The following DLGAP2 variants were observed in gnomAD, a reference collection of about 807,000 sequenced individuals.
The protein encoded by DLGAP2 is DLG associated protein 2.
In DLGAP2, 26 loss-of-function variants were observed where a neutral mutation model predicts 100.3. That is an observed-to-expected ratio of 0.26 (90% CI 0.19 to 0.36). DLGAP2 has a LOEUF of 0.36. DLGAP2 is among the 10% of genes least tolerant of loss of function. The probability of loss-of-function intolerance (pLI) is 1.00; values close to 1 mark genes in which losing one functional copy is unlikely to be tolerated. For missense variants in DLGAP2, 1,858 were observed against 1,453.2 expected (o/e 1.28, Z -4.53); for synonymous variants, 886 against 630.1 (o/e 1.41, Z -6.08).
chr8:794,282 C>T (rs1396193704), intron 1 of DLGAP2, among the ~76,000 whole-genome samples: 4 of 151,834 alleles, frequency 2.6e-5, no homozygotes, highest in South Asian at 2.1e-4. Flanking sequence ...GAGACCAGCT[C>T]GGTCGGGGAG....
intron 3 of DLGAP2, among the ~76,000 whole-genome samples, chr8:1,380,685 C>G (rs1244769490): frequency 6.6e-6 from 1 of 152,148 alleles, no homozygotes. Context: ...TGGGGACTCT[C>G]TGTAGCACTG....
intron 3 of DLGAP2, among the ~76,000 whole-genome samples, chr8:1,470,624 T>G (rs377759767): frequency 1.3e-5 from 2 of 152,132 alleles, no homozygotes; most frequent in Non-Finnish European, 2.9e-5. Flanking sequence ...ATAAATAGTT[T>G]AACAGAACAA....
chr8:1,517,393 G>A (rs1009888277), intron 4 of DLGAP2, among the ~76,000 whole-genome samples: 14 of 152,182 alleles, frequency 9.2e-5, no homozygotes, highest in African/African-American at 3.1e-4. Context: ...GTGGTGAGGG[G>A]CACCCCTGGG....
chr8:1,284,201 T>C (rs1406238517), intron 3 of DLGAP2, among the ~76,000 whole-genome samples: 1 of 152,236 alleles, frequency 6.6e-6, no homozygotes, highest in African/African-American at 2.4e-5. Context: ...GCTCTGTGGT[T>C]GCCAGTGGTC....
At chr8:1,067,748 A>T (rs138078945) in intron 2 of DLGAP2, among the ~76,000 whole-genome samples, 56 of 151,118 alleles carry the variant, frequency 3.7e-4, no homozygotes, top group African/African-American at 1.3e-3. Context: ...CTCCCTCGTG[A>T]CCCAGTCCCC....
intron 1 of DLGAP2, among the ~76,000 whole-genome samples, chr8:757,889 C>A (rs1249677232): frequency 2.6e-5 from 4 of 152,118 alleles, no homozygotes; most frequent in African/African-American, 4.8e-5. Flanking sequence ...TTCCCAAATG[C>A]GTCTTGTCTC....
chr8:1,522,512 C>T (rs916945800), intron 4 of DLGAP2, among the ~76,000 whole-genome samples: 6 of 152,166 alleles, frequency 3.9e-5, no homozygotes, highest in Non-Finnish European at 5.9e-5. Context: ...TCACCATGCC[C>T]GGGAAGCTGG....
At position 1,438,806 on chromosome 8, in the gene DLGAP2, A is replaced by G. The variant is rs573357757; in HGVS notation, c.107-62560A>G. Among the ~76,000 whole-genome samples, 86 of 152,330 alleles carry G rather than the reference A, an allele frequency of 5.6e-4. 1 individual carries two copies. Among genetic ancestry groups the G allele is most frequent in the African/African-American group, 2.0e-3 (85 of 41,572 alleles). ...AAGATATGTTGCTGGTTGCTATGGA[A>G]ACTGCCATCCACAAATGTTTCCTGA... On this transcript the variant is annotated intron_variant, in intron 3 of 14. Transcript: ENST00000637795.
At chr8:880,225 T>C (rs1797761573) in intron 1 of DLGAP2, among the ~76,000 whole-genome samples, 3 of 152,184 alleles carry the variant, frequency 2.0e-5, no homozygotes, top group African/African-American at 4.8e-5. Flanking sequence ...CCTCCGTCCC[T>C]CTTTTTGACC....
chr8:1,175,422 A>C (rs994737278), intron 2 of DLGAP2, among the ~76,000 whole-genome samples: 2 of 152,228 alleles, frequency 1.3e-5, no homozygotes, highest in Non-Finnish European at 2.9e-5. Context: ...GTTGTGACTA[A>C]AATAGCCTTC....
chr8:1,243,748 C>A (rs548648235), intron 2 of DLGAP2, among the ~76,000 whole-genome samples: 1 of 152,274 alleles, frequency 6.6e-6, no homozygotes, highest in African/African-American at 2.4e-5. Context: ...AACAGAGCAT[C>A]TCGCCTCTGC....
intron 2 of DLGAP2, among the ~76,000 whole-genome samples, chr8:932,686 A>G (rs1798985244): frequency 6.6e-6 from 1 of 152,220 alleles, no homozygotes; most frequent in Non-Finnish European, 1.5e-5. Flanking sequence ...AAAAAATTAC[A>G]TGAAAGACAG....
At chr8:1,372,720 A>G (rs1272518270) in intron 3 of DLGAP2, among the ~76,000 whole-genome samples, 1 of 152,210 alleles carries the variant, frequency 6.6e-6, no homozygotes, top group Non-Finnish European at 1.5e-5. Flanking sequence ...GATCAGAGAG[A>G]GATAAAACTG....
At chr8:1,649,984 CAT>C (rs1798126627) in intron 8 of DLGAP2, among the ~76,000 whole-genome samples, 1 of 152,216 alleles carries the variant, frequency 6.6e-6, no homozygotes, top group Non-Finnish European at 1.5e-5. Flanking sequence ...TCATGGTTGA[CAT>C]AGGCAACTGC....
intron 3 of DLGAP2, among the ~76,000 whole-genome samples, chr8:1,352,800 G>T (rs909473085): frequency 1.3e-5 from 2 of 152,066 alleles, no homozygotes; most frequent in Non-Finnish European, 2.9e-5. Flanking sequence ...CCACTCCCCA[G>T]CCCCTACCCA....
intron 3 of DLGAP2, among the ~76,000 whole-genome samples, chr8:1,498,933 C>T (rs1584957013): frequency 6.6e-6 from 1 of 152,236 alleles, no homozygotes; most frequent in South Asian, 2.1e-4. Context: ...CGGAAACCTT[C>T]CATGCATGTA....
At chr8:1,525,698 G>C (rs1800771609) in intron 4 of DLGAP2, among the ~76,000 whole-genome samples, 1 of 152,240 alleles carries the variant, frequency 6.6e-6, no homozygotes, top group Non-Finnish European at 1.5e-5. Flanking sequence ...CTTATACAGT[G>C]TATCCTCACT....
chr8:1,345,382 C>T (rs191454564), intron 3 of DLGAP2, among the ~76,000 whole-genome samples: 37 of 152,328 alleles, frequency 2.4e-4, no homozygotes, highest in Admixed American at 1.8e-3. Flanking sequence ...AGAATAAGTA[C>T]ACTGCATGTA....
intron 2 of DLGAP2, among the ~76,000 whole-genome samples, chr8:1,009,804 A>G (rs1801224334): frequency 6.6e-6 from 1 of 152,238 alleles, no homozygotes. Context: ...TTGCAGAGGA[A>G]GGAGGTGGTA....
Sources: allele counts gnomAD v4.1 joint callset (sites outside exome capture counted in the v4.1 genomes callset), GRCh38; gene constraint gnomAD v4.1.1; transcripts MANE v1.5; gene names NCBI Gene and HGNC (gene_info 2026-07-23, HGNC 2026-07-21).